The following IGSF21 variants were observed in gnomAD, a reference collection of about 807,000 sequenced individuals.
IGSF21 encodes the protein immunoglobin superfamily member 21, also known as immunoglobulin superfamily member 21.
In IGSF21, 28 loss-of-function variants were observed where a neutral mutation model predicts 46.8. The observed-to-expected ratio is 0.60, with a 90% CI of 0.44 to 0.82. The LOEUF (loss-of-function observed/expected upper bound fraction) is 0.82, where lower values mean the gene tolerates loss of function less well. Ranked by LOEUF, IGSF21 falls within the 40% of genes least tolerant of loss-of-function variation. IGSF21 has a pLI of 0.00. For synonymous variants in IGSF21, 284 were observed against 273.6 expected, an observed-to-expected ratio of 1.04 and a Z score of -0.38; for missense variants, 624 against 665.5, an observed-to-expected ratio of 0.94 and a Z score of 0.69.
rs190179416 is a variant in IGSF21, at chr1:18,140,013, C to A, written c.70+31815C>A. On this transcript the variant is annotated intron_variant, in intron 1 of 9. Transcript: ENST00000251296. ...TCAGGCTGAAGTGCAGTGGTGCGAT[C>A]ACGGCTCACTGCAGCCTCAACCTCC... is the stretch of plus-strand genomic sequence containing the variant. 1.9e-3 allele frequency among the ~76,000 whole-genome samples: 294 copies of A among 152,256 alleles called. 1 individual carries two copies. The highest frequency in any genetic ancestry group is 6.6e-3 in the African/African-American group (273 of 41,546).
At position 18,307,925 on chromosome 1, in the gene IGSF21, C is replaced by T. The variant is rs1043664917; in HGVS notation, c.305+15938C>T. 5.3e-5 allele frequency among the ~76,000 whole-genome samples: 8 copies of T among 152,288 alleles called. No individual in the cohort carries two copies. In the South Asian group the frequency reaches 1.7e-3, roughly 32 times the overall value. ...CATGCTGTGCTTCAGAACTTACATG[C>T]TTATTCTCCTGGATGGAACAATTGT... is the stretch of plus-strand genomic sequence containing the variant. On this transcript the variant is annotated intron_variant, in intron 3 of 9. Coordinates refer to ENST00000251296, the MANE Select transcript of IGSF21 (RefSeq NM_032880.5).
rs1375252189 is a variant in IGSF21, at chr1:18,291,996, C to A, written c.305+9C>A. On this transcript the variant is annotated intron_variant, in intron 3 of 9. Coordinates refer to ENST00000251296, the MANE Select transcript of IGSF21 (RefSeq NM_032880.5). ...TACCAGTCCACTGTGAGGTGAGTGC[C>A]TGGGGGTGGCGGGCCGACAGCGGGG... The A allele has an allele frequency of 6.4e-7, 1 of 1,565,590 alleles. No individual in the cohort carries two copies. Among genetic ancestry groups the A allele is most frequent in the Non-Finnish European group, 8.7e-7 (1 of 1,151,848 alleles).
intron 3 of IGSF21, among the ~76,000 whole-genome samples, chr1:18,331,474 T>C (rs1477434956): frequency 6.6e-6 from 1 of 152,244 alleles, no homozygotes; most frequent in African/African-American, 2.4e-5. Flanking sequence ...TTCCACGGTA[T>C]AGATATATAC....
At chr1:18,284,685 G>A (rs2085195520) in intron 2 of IGSF21, among the ~76,000 whole-genome samples, 1 of 152,206 alleles carries the variant, frequency 6.6e-6, no homozygotes, top group Non-Finnish European at 1.5e-5. Context: ...GTAAAACTGA[G>A]TCCCTTTCTA....
chr1:18,252,145 G>A (rs2084849010), intron 2 of IGSF21, among the ~76,000 whole-genome samples: 3 of 142,978 alleles, frequency 2.1e-5, no homozygotes, highest in Non-Finnish European at 4.5e-5. Flanking sequence ...CCGCCTCCTG[G>A]GTCCATGCCA....
At chr1:18,315,702 G>A (rs2085535603) in intron 3 of IGSF21, among the ~76,000 whole-genome samples, 1 of 151,970 alleles carries the variant, frequency 6.6e-6, no homozygotes, top group Non-Finnish European at 1.5e-5. Context: ...ACAGTGAATG[G>A]ATGGATGGTG....
intron 2 of IGSF21, among the ~76,000 whole-genome samples, chr1:18,244,543 G>A (rs1372612415): frequency 6.6e-6 from 1 of 152,254 alleles, no homozygotes; most frequent in Non-Finnish European, 1.5e-5. Flanking sequence ...CACAAGTCCA[G>A]CTGCATTGCT....
At chr1:18,168,250 C>T (rs1033303424) in intron 1 of IGSF21, among the ~76,000 whole-genome samples, 17 of 152,156 alleles carry the variant, frequency 1.1e-4, no homozygotes, top group African/African-American at 1.2e-4. Context: ...AACCCTTAAA[C>T]GCTGCCATTA....
At chr1:18,372,799 T>C (rs1373497172) in intron 6 of IGSF21, among the ~76,000 whole-genome samples, 1 of 149,922 alleles carries the variant, frequency 6.7e-6, no homozygotes, top group Non-Finnish European at 1.5e-5. Flanking sequence ...GATGAATAGA[T>C]GGATGTTTGG....
chr1:18,150,975 G>A (rs1160587071), intron 1 of IGSF21, among the ~76,000 whole-genome samples: 1 of 152,200 alleles, frequency 6.6e-6, no homozygotes, highest in Non-Finnish European at 1.5e-5. Flanking sequence ...AGCAGGGGTG[G>A]TGCCTGTCCC....
chr1:18,134,953 A>G (rs2086356284), intron 1 of IGSF21, among the ~76,000 whole-genome samples: 1 of 152,250 alleles, frequency 6.6e-6, no homozygotes, highest in South Asian at 2.1e-4. Context: ...AAGGGCTGCT[A>G]CTGAGCATAT....
intron 2 of IGSF21, among the ~76,000 whole-genome samples, chr1:18,236,155 A>G (rs1412860157): frequency 6.6e-6 from 1 of 152,112 alleles, no homozygotes; most frequent in East Asian, 1.9e-4. Flanking sequence ...AATTGTAATA[A>G]TTTCCATGTG....
At chr1:18,201,387 A>G (rs2087072911) in intron 1 of IGSF21, among the ~76,000 whole-genome samples, 1 of 152,238 alleles carries the variant, frequency 6.6e-6, no homozygotes, top group South Asian at 2.1e-4. Flanking sequence ...CGTGGCTCCA[A>G]GGGCTAATCC....
In IGSF21 at chr1:18,331,729, A is replaced by C. The variant is rs544919480; in HGVS notation, c.306-3163A>C. Among the ~76,000 whole-genome samples, 4 of 152,350 alleles carry C rather than the reference A, an allele frequency of 2.6e-5. No homozygotes were observed. In the East Asian group the frequency reaches 7.7e-4, roughly 29 times the overall value. On this transcript the variant is annotated intron_variant, in intron 3 of 9. Coordinates refer to ENST00000251296, the MANE Select transcript of IGSF21 (RefSeq NM_032880.5). ...TCAGGAGGGAGATTACCAGGGATAG[A>C]AAGCCCAGTAAACCTCTGCCTCCAT...
intron 3 of IGSF21, among the ~76,000 whole-genome samples, chr1:18,311,843 A>G (rs1449766613): frequency 2.0e-5 from 3 of 152,176 alleles, no homozygotes; most frequent in Non-Finnish European, 4.4e-5. Context: ...AATAGCCCCC[A>G]TGATTCAATT....
In IGSF21 at chr1:18,378,479, C is replaced by T. The variant is rs1365744437; in HGVS notation, c.*153C>T. The T allele has an allele frequency of 1.5e-6, 1 of 665,604 alleles. No individual in the cohort carries two copies. Among genetic ancestry groups the T allele is most frequent in the South Asian group, 1.9e-5 (1 of 52,106 alleles). The allele number at this position is 665,604 out of a possible 1,614,324, so 41.2% of individuals were successfully genotyped here. ...TAATTAAAACAAACAGAACAATTTT[C>T]CCCACCTCGGTTTGTGGCTCTGCAT... On this transcript the variant is annotated 3_prime_UTR_variant, in exon 10 of 10. Transcript: ENST00000251296.
intron 2 of IGSF21, among the ~76,000 whole-genome samples, chr1:18,284,693 C>G (rs75038886): frequency 0.034 from 5,114 of 152,302 alleles, 123 homozygotes; most frequent in Non-Finnish European, 0.054. Flanking sequence ...GAGTCCCTTT[C>G]TAGCCCTCAT....
intron 2 of IGSF21, among the ~76,000 whole-genome samples, chr1:18,249,377 T>G (rs2084814904): frequency 6.6e-6 from 1 of 151,934 alleles, no homozygotes; most frequent in Admixed American, 6.6e-5. Context: ...TCATGGGCAA[T>G]AGGTGGGTGG....
chr1:18,297,749 T>C (rs1414132574), intron 3 of IGSF21, among the ~76,000 whole-genome samples: 3 of 152,226 alleles, frequency 2.0e-5, no homozygotes, highest in African/African-American at 7.2e-5. Context: ...CTTACTATCA[T>C]GTAAATGCTA....
Sources: gnomAD v4.1 joint callset for allele counts (sites outside exome capture counted in the v4.1 genomes callset) on GRCh38, gnomAD v4.1.1 for gene constraint, MANE v1.5 for transcripts, NCBI Gene and HGNC (gene_info 2026-07-23, HGNC 2026-07-21) for gene names.